PDE11A: variants seen among roughly 807,000 people sequenced by gnomAD.
PDE11A encodes dual 3',5'-cyclic-AMP and -GMP phosphodiesterase 11A.
Under a neutral mutation model 100.5 loss-of-function variants are expected in PDE11A, and 100 were observed. The observed-to-expected ratio is 1.00, with a 90% CI of 0.85 to 1.18. PDE11A has a LOEUF of 1.18. Among genes scored for constraint, PDE11A ranks in the 50% most tolerant of loss-of-function variants. The pLI is 0.00. For missense variants in PDE11A, 1,141 were observed against 1,152.6 expected, an observed-to-expected ratio of 0.99 and a Z score of 0.15; for synonymous variants, 381 against 420.8, an observed-to-expected ratio of 0.91 and a Z score of 1.16.
intron 13 of PDE11A, among the ~76,000 whole-genome samples, chr2:177,709,905 C>T (rs1402859006): frequency 6.6e-6 from 1 of 152,014 alleles, no homozygotes; most frequent in East Asian, 1.9e-4. Context: ...ATGATTGGAA[C>T]CGGAAGCCAT....
intron 9 of PDE11A, among the ~76,000 whole-genome samples, chr2:177,809,145 T>A (rs576690073): frequency 7.9e-5 from 12 of 151,264 alleles, no homozygotes; most frequent in African/African-American, 2.4e-4. Flanking sequence ...GGGTACAGAG[T>A]TTCAGTTTGG....
At chr2:177,747,855 G>A (rs1469267791) in intron 10 of PDE11A, among the ~76,000 whole-genome samples, 1 of 152,072 alleles carries the variant, frequency 6.6e-6, no homozygotes, top group Non-Finnish European at 1.5e-5. Context: ...ACCTGAAAAT[G>A]ATAGTAGGCC....
intron 9 of PDE11A, among the ~76,000 whole-genome samples, chr2:177,812,435 G>A (rs2082963006): frequency 6.6e-6 from 1 of 152,092 alleles, no homozygotes; most frequent in South Asian, 2.1e-4. Context: ...CACAAAGCAA[G>A]ATCTGCATTA....
chr2:178,072,996 C>T (rs1469899710), upstream of PDE11A: 1 of 985,012 alleles, frequency 1.0e-6, no homozygotes, highest in Non-Finnish European at 1.2e-6. Flanking sequence ...AAGAGGGAAA[C>T]GCACCTTGTT....
chr2:177,916,404 A>G (rs1363420068), intron 2 of PDE11A, among the ~76,000 whole-genome samples: 1 of 152,154 alleles, frequency 6.6e-6, no homozygotes, highest in Non-Finnish European at 1.5e-5. Context: ...TCACTTTCCT[A>G]CATCCCTAAC....
chr2:178,025,402 T>TG (rs1218265574), intron 1 of PDE11A, among the ~76,000 whole-genome samples: 2 of 152,214 alleles, frequency 1.3e-5, no homozygotes, highest in Non-Finnish European at 2.9e-5. Flanking sequence ...CCATGTTGTT[T>TG]GGGGCATTAT....
intron 19 of PDE11A, among the ~76,000 whole-genome samples, chr2:177,656,825 A>C (rs2080392877): frequency 6.6e-6 from 1 of 152,206 alleles, no homozygotes; most frequent in African/African-American, 2.4e-5. Flanking sequence ...GAGAGCGAGG[A>C]GGCATAGGCA....
intron 9 of PDE11A, among the ~76,000 whole-genome samples, chr2:177,769,696 G>A (rs1230812626): frequency 6.6e-6 from 1 of 152,040 alleles, no homozygotes; most frequent in Non-Finnish European, 1.5e-5. Flanking sequence ...AGACCAGCCT[G>A]GGCAACATGG....
intron 9 of PDE11A, among the ~76,000 whole-genome samples, chr2:177,798,930 T>C (rs538951011): frequency 8.5e-5 from 13 of 152,194 alleles, no homozygotes; most frequent in African/African-American, 2.6e-4. Flanking sequence ...TAACTGTACA[T>C]TGGGGAAACC....
intron 1 of PDE11A, among the ~76,000 whole-genome samples, chr2:178,107,320 A>G (rs2087631500): frequency 6.6e-6 from 1 of 151,586 alleles, no homozygotes; most frequent in South Asian, 2.1e-4. Flanking sequence ...AAGAATATGA[A>G]AAGAATTCAT....
intron 2 of PDE11A, chr2:177,997,454 C>G (rs1046424417): frequency 2.4e-6 from 2 of 827,362 alleles, no homozygotes; most frequent in African/African-American, 3.3e-5. Context: ...TGTTACTGTG[C>G]TCTTACAAGA....
intron 2 of PDE11A, among the ~76,000 whole-genome samples, chr2:178,096,110 C>A (rs2087485204): frequency 6.6e-6 from 1 of 151,934 alleles, no homozygotes; most frequent in African/African-American, 2.4e-5. Context: ...TTGTTACTTA[C>A]AGAAATTTCT....
chr2:177,865,456 G>A (rs930354423), intron 5 of PDE11A, among the ~76,000 whole-genome samples: 4 of 152,146 alleles, frequency 2.6e-5, no homozygotes, highest in Non-Finnish European at 2.9e-5. Context: ...CTGACAGTTG[G>A]TCCAAAAGTT....
chr2:178,048,341 G>A (rs1008486253), intron 1 of PDE11A, among the ~76,000 whole-genome samples: 4 of 152,114 alleles, frequency 2.6e-5, no homozygotes, highest in Non-Finnish European at 5.9e-5. Flanking sequence ...ATGGGGGGCT[G>A]GGGGCGCGGC....
intron 2 of PDE11A, among the ~76,000 whole-genome samples, chr2:177,965,087 C>A (rs916250605): frequency 6.6e-5 from 10 of 152,140 alleles, no homozygotes; most frequent in Admixed American, 4.6e-4. Flanking sequence ...GATGGTAACA[C>A]ATTGTGGTTT....
At chr2:177,998,412 G>A in intron 2 of PDE11A, 1 of 896,754 alleles carries the variant, frequency 1.1e-6, no homozygotes. Flanking sequence ...ACTCAACAGG[G>A]CATTGTTCAC....
At chr2:177,697,836 C>G (rs77602380) in intron 14 of PDE11A, among the ~76,000 whole-genome samples, 5 of 152,318 alleles carry the variant, frequency 3.3e-5, no homozygotes, top group African/African-American at 1.2e-4. Context: ...AAGGTTTAAG[C>G]TGGCATTTTG....
At chr2:177,948,034 C>T (rs1418718268) in intron 2 of PDE11A, among the ~76,000 whole-genome samples, 15 of 151,410 alleles carry the variant, frequency 9.9e-5, no homozygotes, top group Admixed American at 6.6e-4. Context: ...TATGTGTGCA[C>T]GACCTTTTTT....
At chr2:177,857,090 A>G (rs1164652166) in intron 5 of PDE11A, among the ~76,000 whole-genome samples, 1 of 152,020 alleles carries the variant, frequency 6.6e-6, no homozygotes, top group Non-Finnish European at 1.5e-5. Context: ...GTAACCCTCA[A>G]TAAGATTAAT....
Sources: allele counts gnomAD v4.1 joint callset (sites outside exome capture counted in the v4.1 genomes callset), GRCh38; gene constraint gnomAD v4.1.1; transcripts MANE v1.5; gene names NCBI Gene and HGNC (gene_info 2026-07-23, HGNC 2026-07-21).